Variants in RNF150 observed in about 807,000 individuals in gnomAD.
The protein encoded by RNF150 is ring finger protein 150.
In RNF150, 24 loss-of-function variants were observed where a neutral mutation model predicts 39.3. The observed-to-expected ratio is 0.61, with a 90% confidence interval of 0.44 to 0.86. The LOEUF (loss-of-function observed/expected upper bound fraction) is 0.86, where lower values mean the gene tolerates loss of function less well. Ranked by LOEUF, RNF150 falls within the 40% of genes least tolerant of loss-of-function variation. RNF150 has a pLI of 0.00. For missense variants in RNF150, 502 were observed against 587.8 expected, an observed-to-expected ratio of 0.85 and a Z score of 1.51; for synonymous variants, 255 against 227.3, an observed-to-expected ratio of 1.12 and a Z score of -1.10.
chr4:140,882,147 G>C (rs1367687043), intron 6 of RNF150, among the ~76,000 whole-genome samples: 3 of 151,642 alleles, frequency 2.0e-5, no homozygotes, highest in Non-Finnish European at 1.5e-5. Flanking sequence ...AGCCTCCTGA[G>C]TAGCTGGGAC....
At chr4:140,993,622 T>C (rs145835385) in intron 1 of RNF150, among the ~76,000 whole-genome samples, 77 of 152,314 alleles carry the variant, frequency 5.1e-4, no homozygotes, top group Admixed American at 7.8e-4. Flanking sequence ...TATATGGCCT[T>C]GTTTATGCAG....
In RNF150 at chr4:140,966,458, C is replaced by G. The variant is rs146834874; in HGVS notation, c.735+1165G>C. Among the ~76,000 whole-genome samples, 280 of 151,868 alleles carry G rather than the reference C, an allele frequency of 1.8e-3. 1 individual carries two copies. The highest frequency in any genetic ancestry group is 6.6e-3 in the African/African-American group (273 of 41,468). ...GAGGGGTGGTGAGGTGAATCCTATC[C>G]TACAAAAAAGGGTTAATTTCCTTGA... On this transcript the variant is annotated intron_variant, in intron 2 of 6. Transcript: ENST00000515673.
chr4:140,992,846 G>C (rs1734244082), intron 1 of RNF150, among the ~76,000 whole-genome samples: 1 of 152,106 alleles, frequency 6.6e-6, no homozygotes, highest in African/African-American at 2.4e-5. Context: ...GGCATGTCAA[G>C]GGCTGGTGCA....
chr4:141,027,772 G>A (rs943910318), intron 1 of RNF150, among the ~76,000 whole-genome samples: 2 of 152,156 alleles, frequency 1.3e-5, no homozygotes, highest in Non-Finnish European at 2.9e-5. Context: ...ATGGTGCAGA[G>A]TAGCCCTGGA....
intron 1 of RNF150, among the ~76,000 whole-genome samples, chr4:141,039,070 G>A (rs962120210): frequency 1.3e-5 from 2 of 152,182 alleles, no homozygotes; most frequent in Non-Finnish European, 2.9e-5. Context: ...AAAAGCCCAC[G>A]TGCAGTGGGT....
intron 6 of RNF150, among the ~76,000 whole-genome samples, chr4:140,894,363 C>A (rs776125864): frequency 7.9e-5 from 12 of 152,250 alleles, no homozygotes; most frequent in Admixed American, 1.3e-4. Context: ...ATGATGTTTT[C>A]TCTCCCTAGT....
chr4:141,073,242 G>C (rs1171009781), intron 1 of RNF150, among the ~76,000 whole-genome samples: 2 of 152,128 alleles, frequency 1.3e-5, no homozygotes, highest in African/African-American at 4.8e-5. Flanking sequence ...TTTCTGCGAA[G>C]GGTCAAGGAA....
At chr4:140,979,228 G>A (rs917679611) in intron 1 of RNF150, among the ~76,000 whole-genome samples, 1 of 152,080 alleles carries the variant, frequency 6.6e-6, no homozygotes, top group Admixed American at 6.6e-5. Flanking sequence ...TGTTGTTCAA[G>A]GTTCAACTGT....
At chr4:140,905,438 C>T (rs1461065274) in intron 6 of RNF150, among the ~76,000 whole-genome samples, 2 of 152,154 alleles carry the variant, frequency 1.3e-5, no homozygotes, top group Non-Finnish European at 2.9e-5. Context: ...CCCTACCCAT[C>T]ACTCTGCTCT....
At chr4:140,896,688 AAAAAAAAAAAAAC>A (rs1334688537) in intron 6 of RNF150, among the ~76,000 whole-genome samples, 2 of 13,110 alleles carry the variant, frequency 1.5e-4, no homozygotes, top group African/African-American at 3.2e-4. Flanking sequence ...AGAGTATAAT[AAAAAAAAAAAAAC>A]AAAAAAACAA....
intron 6 of RNF150, among the ~76,000 whole-genome samples, chr4:140,877,476 G>T (rs942511519): frequency 6.6e-6 from 1 of 152,184 alleles, no homozygotes; most frequent in Admixed American, 6.5e-5. Context: ...GATAGGCAGA[G>T]TTCATACATA....
At chr4:140,962,681 G>A (rs1487650397) in intron 2 of RNF150, among the ~76,000 whole-genome samples, 2 of 151,854 alleles carry the variant, frequency 1.3e-5, no homozygotes, top group African/African-American at 4.8e-5. Flanking sequence ...TAATAATAAA[G>A]GATATCATTC....
chr4:141,136,841 A>G (rs1176464321), upstream of RNF150, among the ~76,000 whole-genome samples: 1 of 152,226 alleles, frequency 6.6e-6, no homozygotes, highest in African/African-American at 2.4e-5. Context: ...GCAACAGAGT[A>G]TGGAAGGGTA....
rs1451208191 is a variant in RNF150 at position 140,865,007 on chromosome 4, C to T, written c.*3254G>A. On this transcript the variant is annotated 3_prime_UTR_variant, in exon 7 of 7. Transcript: ENST00000515673. ...TCCCTGGAGGTAATTAAGCTTTTAA[C>T]CTTCTTTTCTTTTGTAAGGGTCGGG... 2.6e-5 allele frequency: 4 copies of T among 152,194 alleles called. No homozygotes were observed. Among genetic ancestry groups the T allele is most frequent in the Non-Finnish European group, 4.4e-5 (3 of 68,072 alleles). The allele number at this position is 152,194 out of a possible 1,614,324, so 9.4% of individuals were successfully genotyped here.
intron 2 of RNF150, among the ~76,000 whole-genome samples, chr4:140,961,915 C>A (rs983315024): frequency 1.3e-5 from 2 of 152,044 alleles, no homozygotes; most frequent in Non-Finnish European, 2.9e-5. Flanking sequence ...CAGAAAGTAA[C>A]ATAATGATTG....
rs1394519225 is a variant in RNF150, at chr4:141,132,473, G to A, written c.336C>T (p.Thr112=). Residue 112 remains threonine, a synonymous_variant, in exon 1 of 7, where the codon ACC becomes ACT. Transcript: ENST00000515673. This position sits in a 1 kb window ranked among gnomAD's most constrained non-coding sequence, Gnocchi z 4.9. The part of the protein sequence containing the change: ...CDPNTKFAAP[T]RGKNWIALIP... ...TGAGGGCTATCCAGTTCTTGCCGCG[G>A]GTCGGGGCGGCGAACTTGGTGTTGG... 2.5e-6 allele frequency: 4 copies of A among 1,609,266 alleles called. No individual in the cohort carries two copies. Among genetic ancestry groups the A allele is most frequent in the Non-Finnish European group, 3.4e-6 (4 of 1,178,494 alleles).
intron 4 of RNF150, among the ~76,000 whole-genome samples, chr4:140,940,167 C>A (rs890339193): frequency 1.3e-5 from 2 of 152,156 alleles, no homozygotes; most frequent in Non-Finnish European, 2.9e-5. Context: ...CCAGCCCCAT[C>A]GCCAACACAA....
At chr4:141,170,563 C>A (rs1214074189) in intron 1 of RNF150, among the ~76,000 whole-genome samples, 2 of 152,064 alleles carry the variant, frequency 1.3e-5, no homozygotes, top group Non-Finnish European at 2.9e-5. Flanking sequence ...TCTGTCTCTG[C>A]AAAGGAGAGT....
chr4:141,184,527 T>C (rs1727967581), intron 1 of RNF150, among the ~76,000 whole-genome samples: 1 of 152,228 alleles, frequency 6.6e-6, no homozygotes, highest in African/African-American at 2.4e-5. Context: ...TTTGTCAATT[T>C]TGGCTTTTTT....
Sources: gnomAD v4.1 joint callset for allele counts (sites outside exome capture counted in the v4.1 genomes callset) on GRCh38, gnomAD v4.1.1 for gene constraint, Gnocchi (gnomAD v3.1) non-coding constraint, MANE v1.5 for transcripts, NCBI Gene and HGNC (gene_info 2026-07-23, HGNC 2026-07-21) for gene names.